The following OR9Q1 variants were observed in gnomAD, a reference collection of about 807,000 sequenced individuals.
OR9Q1 encodes the protein olfactory receptor 9Q1.
For synonymous variants in OR9Q1, 153 were observed against 148.6 expected (o/e 1.03, Z -0.22); for missense variants, 374 against 378.8 (o/e 0.99, Z 0.11).
At chr11:58,118,860 G>GA in intron 2 of OR9Q1, 1 of 1,614,038 alleles carries the variant, frequency 6.2e-7, no homozygotes, top group Non-Finnish European at 8.5e-7. Flanking sequence ...TGACAATCTC[G>GA]ATGTTTGCTG....
chr11:58,115,417 C>A (rs1853943296), intron 2 of OR9Q1, among the ~76,000 whole-genome samples: 2 of 152,068 alleles, frequency 1.3e-5, no homozygotes, highest in Admixed American at 1.3e-4. Flanking sequence ...CTGGTATATG[C>A]ATGTTATTAA....
intron 2 of OR9Q1, among the ~76,000 whole-genome samples, chr11:58,081,793 C>CTTTTTTT (rs201892501): frequency 3.9e-5 from 5 of 128,142 alleles, no homozygotes; most frequent in Non-Finnish European, 6.6e-5. Flanking sequence ...ATGATAGTTT[C>CTTTTTTT]TTTTTTTTTT....
intron 2 of OR9Q1, chr11:58,171,625 T>C (rs1456829779): frequency 1.3e-5 from 2 of 152,232 alleles, no homozygotes; most frequent in South Asian, 2.1e-4. Flanking sequence ...TGTTTTAGAC[T>C]GTAGTGAACA....
intron 2 of OR9Q1, among the ~76,000 whole-genome samples, chr11:58,058,750 G>A (rs1332491256): frequency 6.6e-6 from 1 of 152,114 alleles, no homozygotes; most frequent in African/African-American, 2.4e-5. Flanking sequence ...AGCCACCCTC[G>A]CCCCCGATCT....
intron 2 of OR9Q1, among the ~76,000 whole-genome samples, chr11:58,140,763 A>G (rs936145844): frequency 6.6e-6 from 1 of 152,140 alleles, no homozygotes; most frequent in African/African-American, 2.4e-5. Context: ...TTGACTTGGC[A>G]ATGCGGGCTG....
intron 2 of OR9Q1, chr11:58,118,727 T>C: frequency 6.2e-7 from 1 of 1,614,036 alleles, no homozygotes; most frequent in Non-Finnish European, 8.5e-7. Context: ...GAGGCACATG[T>C]GGAGAAAGTC....
chr11:58,038,353 C>T (rs752061572), intron 1 of OR9Q1, among the ~76,000 whole-genome samples: 38 of 152,190 alleles, frequency 2.5e-4, no homozygotes, highest in Non-Finnish European at 4.9e-4. Context: ...GTAGGAAATG[C>T]ACATTTTTGT....
At chr11:58,035,629 A>G (rs558987335) in intron 1 of OR9Q1, among the ~76,000 whole-genome samples, 5 of 152,338 alleles carry the variant, frequency 3.3e-5, no homozygotes, top group African/African-American at 1.2e-4. Flanking sequence ...GGGGAAAGAC[A>G]TATTTTCCTT....
chr11:58,066,679 G>A (rs1426224981), intron 2 of OR9Q1, among the ~76,000 whole-genome samples: 1 of 152,088 alleles, frequency 6.6e-6, no homozygotes, highest in Non-Finnish European at 1.5e-5. Flanking sequence ...ACAGCCCCAG[G>A]GTATAGGAGT....
intron 2 of OR9Q1, among the ~76,000 whole-genome samples, chr11:58,154,885 T>A (rs1854391751): frequency 6.6e-6 from 1 of 152,232 alleles, no homozygotes; most frequent in Admixed American, 6.5e-5. Context: ...GGCTTTTCCA[T>A]CAGGGTGAGC....
intron 2 of OR9Q1, among the ~76,000 whole-genome samples, chr11:58,147,778 A>T (rs1342392325): frequency 6.6e-6 from 1 of 152,224 alleles, no homozygotes; most frequent in East Asian, 1.9e-4. Context: ...ATGAATAAAA[A>T]CATTCATAAA....
intron 2 of OR9Q1, chr11:58,075,448 C>G (rs1420855525): frequency 6.6e-6 from 1 of 152,232 alleles, no homozygotes; most frequent in Non-Finnish European, 1.5e-5. Context: ...CTGTGCCCCC[C>G]AAATCCATAC....
intron 2 of OR9Q1, among the ~76,000 whole-genome samples, chr11:58,081,535 T>C (rs1226818318): frequency 2.6e-5 from 4 of 152,332 alleles, no homozygotes; most frequent in African/African-American, 9.6e-5. Flanking sequence ...TGTTATCTCA[T>C]TGTGGTTTTG....
At chr11:58,177,052 T>C (rs563144656) in intron 2 of OR9Q1, among the ~76,000 whole-genome samples, 4 of 152,294 alleles carry the variant, frequency 2.6e-5, no homozygotes, top group Admixed American at 2.0e-4. Context: ...CCTTTAATTA[T>C]CATTTTTTTC....
At chr11:58,047,803 G>A in intron 1 of OR9Q1, among the ~76,000 whole-genome samples, 1 of 151,978 alleles carries the variant, frequency 6.6e-6, no homozygotes, top group Non-Finnish European at 1.5e-5. Flanking sequence ...AGAATCGCTT[G>A]AACTCAGAAG....
At chr11:58,037,245 C>G (rs1319360903) in intron 1 of OR9Q1, among the ~76,000 whole-genome samples, 1 of 152,098 alleles carries the variant, frequency 6.6e-6, no homozygotes. Context: ...AAGGTATGTA[C>G]ATTTTCTTAG....
chr11:58,037,894 G>GTATT (rs1175173024), intron 1 of OR9Q1, among the ~76,000 whole-genome samples: 19 of 97,806 alleles, frequency 1.9e-4, no homozygotes, highest in Non-Finnish European at 3.6e-4. Context: ...AATTTTTTTT[G>GTATT]TTTTTTTTTT....
intron 2 of OR9Q1, among the ~76,000 whole-genome samples, chr11:58,111,489 G>A (rs959026950): frequency 2.0e-5 from 3 of 152,114 alleles, no homozygotes; most frequent in Non-Finnish European, 2.9e-5. Flanking sequence ...GAGGTCCATC[G>A]CCTTTAGTTC....
intron 1 of OR9Q1, chr11:58,031,782 TG>T: frequency 3.1e-6 from 5 of 1,613,932 alleles, no homozygotes; most frequent in Non-Finnish European, 3.4e-6. Flanking sequence ...TTCAACAAGG[TG>T]GTATCTGTCT....
Sources: allele counts gnomAD v4.1 joint callset (sites outside exome capture counted in the v4.1 genomes callset), GRCh38; gene constraint gnomAD v4.1.1; transcripts MANE v1.5; gene names NCBI Gene and HGNC (gene_info 2026-07-23, HGNC 2026-07-21).